The following CDH12 variants were observed in gnomAD, a reference collection of about 807,000 sequenced individuals.
CDH12 encodes the protein cadherin 12.
Under a neutral mutation model 74.1 loss-of-function variants are expected in CDH12, and 41 were observed. The ratio of observed to expected loss-of-function variants is 0.55; its 90% CI spans 0.43 to 0.72. The LOEUF (loss-of-function observed/expected upper bound fraction) is 0.72, where lower values mean the gene tolerates loss of function less well. Ranked by LOEUF, CDH12 falls within the 30% of genes least tolerant of loss-of-function variation. CDH12 has a pLI of 0.00. For missense variants in CDH12, 945 were observed against 977.2 expected (o/e 0.97, Z 0.44); for synonymous variants, 399 against 355.0 (o/e 1.12, Z -1.39).
chr5:21,936,168 A>C (rs1755066501), intron 6 of CDH12, among the ~76,000 whole-genome samples: 1 of 152,104 alleles, frequency 6.6e-6, no homozygotes, highest in Non-Finnish European at 1.5e-5. Context: ...AAACCTCCAG[A>C]CTGTTCTCCT....
At chr5:21,955,986 A>G in intron 6 of CDH12, among the ~76,000 whole-genome samples, 1 of 150,636 alleles carries the variant, frequency 6.6e-6, no homozygotes, top group Non-Finnish European at 1.5e-5. Context: ...ATGAAACATA[A>G]TTAGACACAC....
intron 1 of CDH12, among the ~76,000 whole-genome samples, chr5:22,508,429 C>T (rs1258904737): frequency 2.0e-5 from 3 of 152,166 alleles, no homozygotes; most frequent in Admixed American, 6.5e-5. Flanking sequence ...GTTGAACTGG[C>T]CCTGCAAAGC....
chr5:22,401,008 T>A (rs1041561924), intron 3 of CDH12, among the ~76,000 whole-genome samples: 1 of 152,200 alleles, frequency 6.6e-6, no homozygotes, highest in Non-Finnish European at 1.5e-5. Flanking sequence ...TCTATACATT[T>A]GAATATTTCC....
At chr5:21,772,523 C>G (rs1159205902) in intron 11 of CDH12, among the ~76,000 whole-genome samples, 2 of 152,138 alleles carry the variant, frequency 1.3e-5, no homozygotes, top group South Asian at 4.1e-4. Flanking sequence ...ATCCACCGAC[C>G]TTGGCCTTCC....
intron 5 of CDH12, among the ~76,000 whole-genome samples, chr5:22,065,813 A>G (rs1160799101): frequency 1.3e-5 from 2 of 152,186 alleles, no homozygotes; most frequent in Non-Finnish European, 2.9e-5. Context: ...CAATGGCCAA[A>G]GTAAGGTTGG....
intron 4 of CDH12, among the ~76,000 whole-genome samples, chr5:22,198,466 T>C (rs1277078500): frequency 6.6e-6 from 1 of 152,144 alleles, no homozygotes; most frequent in Non-Finnish European, 1.5e-5. Context: ...TATGTAGGAA[T>C]CGTAACAAAT....
chr5:21,845,678 G>T (rs1750128366), intron 7 of CDH12, among the ~76,000 whole-genome samples: 1 of 149,350 alleles, frequency 6.7e-6, no homozygotes, highest in Non-Finnish European at 1.5e-5. Flanking sequence ...GTTTTGATTT[G>T]TTGCCTGTTT....
intron 2 of CDH12, among the ~76,000 whole-genome samples, chr5:22,442,282 TA>T (rs1397307036): frequency 6.6e-6 from 1 of 152,138 alleles, no homozygotes; most frequent in Non-Finnish European, 1.5e-5. Context: ...CCTAAGAATA[TA>T]AAAATGACGA....
chr5:21,976,550 A>G (rs1757080036), intron 5 of CDH12, among the ~76,000 whole-genome samples: 1 of 150,652 alleles, frequency 6.6e-6, no homozygotes, highest in Admixed American at 6.6e-5. Context: ...ATATACATAT[A>G]TACATAACAT....
At chr5:21,973,169 T>G (rs970639369) in intron 6 of CDH12, among the ~76,000 whole-genome samples, 1 of 151,772 alleles carries the variant, frequency 6.6e-6, no homozygotes, top group African/African-American at 2.4e-5. Flanking sequence ...ACTGGGCCAT[T>G]GCACTCCAGC....
chr5:21,775,678 T>C (rs1745547155), intron 11 of CDH12, among the ~76,000 whole-genome samples: 1 of 152,092 alleles, frequency 6.6e-6, no homozygotes, highest in African/African-American at 2.4e-5. Flanking sequence ...CCTTAACTCA[T>C]ATGGAGCTTC....
intron 4 of CDH12, among the ~76,000 whole-genome samples, chr5:22,177,170 C>T (rs1222741476): frequency 6.6e-6 from 1 of 152,138 alleles, no homozygotes; most frequent in Non-Finnish European, 1.5e-5. Flanking sequence ...GTACTTAGCA[C>T]GTTGCAGGTT....
intron 1 of CDH12, among the ~76,000 whole-genome samples, chr5:22,744,541 A>G (rs571114605): frequency 3.5e-4 from 54 of 152,338 alleles, no homozygotes; most frequent in African/African-American, 5.5e-4. Context: ...TTTATTTTAC[A>G]AATAAGTCAT....
intron 6 of CDH12, among the ~76,000 whole-genome samples, chr5:21,888,750 C>G (rs1240091937): frequency 6.6e-6 from 1 of 151,700 alleles, no homozygotes; most frequent in African/African-American, 2.4e-5. Flanking sequence ...TATATTGTAA[C>G]CTGCTTTTTA....
At chr5:22,574,778 A>G (rs1739704593) in intron 1 of CDH12, among the ~76,000 whole-genome samples, 1 of 152,102 alleles carries the variant, frequency 6.6e-6, no homozygotes, top group African/African-American at 2.4e-5. Flanking sequence ...CCATGACTAT[A>G]CTTGAAGTGC....
intron 6 of CDH12, chr5:21,883,970 T>A: frequency 6.2e-7 from 1 of 1,603,026 alleles, no homozygotes. Context: ...CTAATGAAGA[T>A]CAAAAAATTG....
At chr5:22,260,149 T>C (rs1287137806) in intron 3 of CDH12, among the ~76,000 whole-genome samples, 1 of 152,050 alleles carries the variant, frequency 6.6e-6, no homozygotes, top group Non-Finnish European at 1.5e-5. Flanking sequence ...CACAATGTCT[T>C]ATAATTCCAT....
At chr5:22,738,596 C>T (rs1174558966) in intron 1 of CDH12, among the ~76,000 whole-genome samples, 1 of 151,894 alleles carries the variant, frequency 6.6e-6, no homozygotes, top group Non-Finnish European at 1.5e-5. Context: ...GGTAATCCTT[C>T]AAATTATGAA....
rs116061755 is a variant in CDH12, at chr5:22,113,003, T to A, written c.-186-34141A>T. 5.9e-3 allele frequency among the ~76,000 whole-genome samples: 895 copies of A among 152,236 alleles called. 3 individuals carry two copies. The highest frequency in any genetic ancestry group is 9.5e-3 in the Non-Finnish European group (647 of 67,992). On this transcript the variant is annotated intron_variant, in intron 4 of 14. Transcript: ENST00000382254. ...TAGTTATTTTAACATTAAGATGAAA[T>A]CATCATCTGAGGACTAAACTCCGAT...
Sources: allele counts gnomAD v4.1 joint callset (sites outside exome capture counted in the v4.1 genomes callset), GRCh38; gene constraint gnomAD v4.1.1; transcripts MANE v1.5; gene names NCBI Gene and HGNC (gene_info 2026-07-23, HGNC 2026-07-21).